Variants in ZBTB45 observed in about 807,000 individuals in gnomAD.
ZBTB45 encodes the protein zinc finger and BTB domain containing 45, also known as zinc finger and BTB domain-containing protein 45.
In ZBTB45, 22 loss-of-function variants were observed where a neutral mutation model predicts 28.4. The ratio of observed to expected loss-of-function variants is 0.77; its 90% CI spans 0.55 to 1.10. ZBTB45 has a LOEUF of 1.10. ZBTB45 is among the 50% of genes least tolerant of loss of function. The probability of loss-of-function intolerance (pLI) is 0.00; values close to 1 mark genes in which losing one functional copy is unlikely to be tolerated. For missense variants in ZBTB45, 656 were observed against 750.2 expected (o/e 0.87, Z 1.47); for synonymous variants, 361 against 332.3 (o/e 1.09, Z -0.94).
intron 1 of ZBTB45, among the ~76,000 whole-genome samples, chr19:58,527,741 A>G (rs963379836): frequency 2.0e-5 from 3 of 152,092 alleles, no homozygotes; most frequent in Admixed American, 6.6e-5. Context: ...GGAGGAATCA[A>G]CCTAGACTTG....
intron 1 of ZBTB45, among the ~76,000 whole-genome samples, chr19:58,528,819 G>A (rs986728395): frequency 3.4e-5 from 5 of 148,716 alleles, no homozygotes; most frequent in Non-Finnish European, 7.5e-5. Context: ...ACCTGAACTC[G>A]AGAGGCGGAG....
chr19:58,538,645 G>A (rs1043656829), intron 1 of ZBTB45: 3 of 152,264 alleles, frequency 2.0e-5, no homozygotes, highest in Non-Finnish European at 4.4e-5. Context: ...TGGGAGCGGG[G>A]CCCGGGGAGG....
Position 58,515,953 on chromosome 19 carries a change from G to T in ZBTB45, c.1279+442C>A, listed in dbSNP as rs1026798589. Among the ~76,000 whole-genome samples the T allele has an allele frequency of 2.0e-5, 3 of 152,112 alleles. No individual in the cohort carries two copies. The highest frequency in any genetic ancestry group is 7.2e-5 in the African/African-American group (3 of 41,422). On this transcript the variant is annotated intron_variant, in intron 2 of 2. Coordinates refer to ENST00000594051, the MANE Select transcript of ZBTB45 (RefSeq NM_001316979.2). This position sits in a 1 kb window ranked among gnomAD's most constrained non-coding sequence, Gnocchi z 4.7. ...GGCCTTCATCCCACCACCTCTGAGG[G>T]CTTTCTACCCCTGGGCCTGTAAACC...
In ZBTB45 at chr19:58,516,901, G is replaced by A; in HGVS notation, c.773C>T (p.Ala258Val). The A allele has an allele frequency of 1.9e-6, 3 of 1,613,364 alleles. No individual in the cohort carries two copies. Among genetic ancestry groups the A allele is most frequent in the Non-Finnish European group, 1.7e-6 (2 of 1,180,026 alleles). Reference protein sequence around the residue: ...AADSACEEPPAPTGLADYSGA... With the variant: ...AADSACEEPPVPTGLADYSGA... ...ACTGTAGTCAGCGAGGCCAGTGGGT[G>A]CAGGGGGCTCCTCGCACGCGCTGTC... The change falls in exon 2 of 3, where the codon GCA becomes GTA. Residue 258 changes from alanine (A) to valine (V), a missense_variant. By Grantham distance (64) the Ala-to-Val change is moderately conservative. Transcript: ENST00000594051. The surrounding 1 kb of genome is among the most constrained non-coding windows in gnomAD (Gnocchi z 6.2).
chr19:58,528,628 C>T (rs1246863840), intron 1 of ZBTB45, among the ~76,000 whole-genome samples: 4 of 152,180 alleles, frequency 2.6e-5, no homozygotes, highest in African/African-American at 7.2e-5. Flanking sequence ...GGCGCAGTGG[C>T]TCACGCCTGT....
At position 58,517,487 on chromosome 19, in the gene ZBTB45, G is replaced by T; in HGVS notation, c.187C>A (p.Leu63Met). 1 of 1,613,302 alleles carries T rather than the reference G, an allele frequency of 6.2e-7. No homozygotes were observed. Among genetic ancestry groups the T allele is most frequent in the Non-Finnish European group, 8.5e-7 (1 of 1,179,998 alleles). ...ACACGGATCTCAGAGTGGCCGAGCAGCAGCTTGTCTTGGAAGAAGGGTGAG... is the reference window on the plus strand; with the variant it reads ...ACACGGATCTCAGAGTGGCCGAGCATCAGCTTGTCTTGGAAGAAGGGTGAG... ...AGSPFFQDKL[L>M]LGHSEIRVPP... Residue 63 changes from leucine to methionine, a missense_variant, in exon 2 of 3, where the codon CTG becomes ATG. Coordinates refer to ENST00000594051, the MANE Select transcript of ZBTB45 (RefSeq NM_001316979.2).
chr19:58,514,032 G>T lies in ZBTB45; in HGVS notation c.*22C>A. The stretch of plus-strand genomic sequence containing the variant: ...GCGGGAGGCCCCGGATCCACCGTGG[G>T]CGAGGCCAGGCCCCAGCGCCATCAG... On this transcript the variant is annotated 3_prime_UTR_variant, in exon 3 of 3. Transcript: ENST00000594051. The T allele has an allele frequency of 2.2e-6, 3 of 1,389,080 alleles. No individual in the cohort carries two copies. The highest frequency in any genetic ancestry group is 2.8e-6 in the Non-Finnish European group (3 of 1,078,040). 86.0% of individuals were successfully genotyped at this position (1,389,080 alleles called of 1,614,324 possible). A position where few individuals can be genotyped will look rare whatever the true frequency, so the allele number is the denominator to read the frequency against.
chr19:58,537,377 G>A (rs1438075094), intron 1 of ZBTB45, among the ~76,000 whole-genome samples: 1 of 152,092 alleles, frequency 6.6e-6, no homozygotes, highest in Non-Finnish European at 1.5e-5. Flanking sequence ...AAGGAAAAGG[G>A]GTGCTCTTAC....
At position 58,516,599 on chromosome 19, in the gene ZBTB45, C is replaced by A; in HGVS notation, c.1075G>T (p.Ala359Ser). The change falls in exon 2 of 3, where the codon GCC becomes TCC. Residue 359 changes from alanine to serine, a missense_variant. Around this residue, in one of 3 missense-constraint regions of ZBTB45, gnomAD observed 448 missense variants for 444.3 expected, o/e 1.01. Transcript: ENST00000594051. This position sits in a 1 kb window ranked among gnomAD's most constrained non-coding sequence, Gnocchi z 6.2. The stretch of plus-strand genomic sequence containing the variant: ...TCGGGCTGGAGTGTGGGGTAGAAGG[C>A]GGGTGGGGGCGCAGGGGCTGGCCCC... ...PSGPAPAPPP[A>S]FYPTLQPEAA... 7.0e-7 allele frequency: 1 copy of A among 1,431,772 alleles called. No homozygotes were observed. The highest frequency in any genetic ancestry group is 2.0e-5 in the Admixed American group (1 of 49,382). The allele number at this position is 1,431,772 out of a possible 1,614,324, so 88.7% of individuals were successfully genotyped here.
At chr19:58,533,136 T>TA (rs2053643176) in intron 1 of ZBTB45, among the ~76,000 whole-genome samples, 1 of 152,154 alleles carries the variant, frequency 6.6e-6, no homozygotes, top group Admixed American at 6.5e-5. Flanking sequence ...ACGTCCGGCC[T>TA]AATTTTTATA....
rs768718808 is a variant in ZBTB45 at position 58,517,058 on chromosome 19, G to T, written c.616C>A (p.Arg206=). The T allele has an allele frequency of 2.5e-6, 4 of 1,613,214 alleles. No individual in the cohort carries two copies. Among genetic ancestry groups the T allele is most frequent in the Non-Finnish European group, 2.5e-6 (3 of 1,179,992 alleles). Residue 206 remains arginine (R), a synonymous_variant, in exon 2 of 3, where the codon CGA becomes AGA. Transcript: ENST00000594051. ...CTTTCCTCGTCATCCTCGTCACCTCGGTCATCAGGGGCCGCGGACAGTGAG... is the reference window on the plus strand; with the variant it reads ...CTTTCCTCGTCATCCTCGTCACCTCTGTCATCAGGGGCCGCGGACAGTGAG... The part of the protein sequence containing the change: ...DPSLSAAPDD[R]GDEDDEESDD...
At chr19:58,537,047 T>G (rs1370656283) in intron 1 of ZBTB45, among the ~76,000 whole-genome samples, 4 of 152,056 alleles carry the variant, frequency 2.6e-5, no homozygotes, top group Non-Finnish European at 5.9e-5. Flanking sequence ...TGCACTAGCG[T>G]CCTGCCATAT....
At chr19:58,529,107 T>G (rs771975410) in intron 1 of ZBTB45, among the ~76,000 whole-genome samples, 4 of 131,844 alleles carry the variant, frequency 3.0e-5, no homozygotes, top group African/African-American at 1.4e-4. Flanking sequence ...AAAAAGACAT[T>G]GATGAGCTCA....
At position 58,517,624 on chromosome 19, in the gene ZBTB45, C is replaced by A; in HGVS notation, c.50G>T (p.Arg17Leu). 1 of 1,613,870 alleles carries A rather than the reference C, an allele frequency of 6.2e-7. No individual in the cohort carries two copies. Among genetic ancestry groups the A allele is most frequent in the East Asian group, 2.2e-5 (1 of 44,882 alleles). Reference sequence around the variant, plus strand: ...CCCATTGAGGGTCTCAAGCAGAGAGCGTGAGAAGTTCTGCAGGTGTATGTG... The same window carrying A: ...CCCATTGAGGGTCTCAAGCAGAGAGAGTGAGAAGTTCTGCAGGTGTATGTG... ...VHHIHLQNFS[R>L]SLLETLNGQR... The change falls in exon 2 of 3, where the codon CGC becomes CTC. Residue 17 changes from arginine to leucine, a missense_variant. Physicochemically the swap from Arg to Leu is moderately radical, Grantham distance 102 (BLOSUM62 -2). Around this residue, in one of 3 missense-constraint regions of ZBTB45, gnomAD observed 105 missense variants for 152.4 expected, o/e 0.69. Coordinates refer to ENST00000594051, the MANE Select transcript of ZBTB45 (RefSeq NM_001316979.2).
At chr19:58,531,383 T>TG (rs1568651699) in intron 1 of ZBTB45, among the ~76,000 whole-genome samples, 1 of 152,182 alleles carries the variant, frequency 6.6e-6, no homozygotes, top group Non-Finnish European at 1.5e-5. Context: ...AACCCTAACG[T>TG]GGGGCACTGA....
chr19:58,517,484 G>A lies in ZBTB45; in HGVS notation c.190C>T (p.Leu64Phe). The A allele has an allele frequency of 6.2e-7, 1 of 1,613,248 alleles. No homozygotes were observed. Among genetic ancestry groups the A allele is most frequent in the Non-Finnish European group, 8.5e-7 (1 of 1,179,988 alleles). Residue 64 changes from leucine (L) to phenylalanine (F), a missense_variant, in exon 2 of 3, where the codon CTC becomes TTC. Transcript: ENST00000594051. Reference protein sequence around the residue: ...GSPFFQDKLLLGHSEIRVPPV... With the variant: ...GSPFFQDKLLFGHSEIRVPPV... The stretch of plus-strand genomic sequence containing the variant: ...GGCACACGGATCTCAGAGTGGCCGA[G>A]CAGCAGCTTGTCTTGGAAGAAGGGT...
At chr19:58,527,424 C>T (rs895306711) in intron 1 of ZBTB45, among the ~76,000 whole-genome samples, 4 of 152,304 alleles carry the variant, frequency 2.6e-5, no homozygotes, top group Middle Eastern at 3.4e-3. Context: ...ATTTCCTGAG[C>T]GTCCCCACCC....
At chr19:58,535,351 G>A (rs1380914137) in intron 1 of ZBTB45, among the ~76,000 whole-genome samples, 1 of 151,758 alleles carries the variant, frequency 6.6e-6, no homozygotes, top group South Asian at 2.1e-4. Context: ...TAATAGACAC[G>A]GGGCCAGGCA....
rs755229692 is a variant in ZBTB45, at chr19:58,516,741, G to T, written c.933C>A (p.Asp311Glu). The T allele has an allele frequency of 1.2e-5, 20 of 1,611,566 alleles. 1 individual carries two copies. The South Asian group carries it at 2.2e-4, about 18-fold the overall frequency. Reference sequence around the variant, plus strand: ...GCGGGCGGGATCCAGACAGTATGCAGTCGGGCTGGACAGGGGTCTCAGTGG... The same window carrying T: ...GCGGGCGGGATCCAGACAGTATGCATTCGGGCTGGACAGGGGTCTCAGTGG... Reference protein sequence around the residue: ...GCPTETPVQPDCILSGSRPPG... With the variant: ...GCPTETPVQPECILSGSRPPG... Residue 311 changes from aspartate to glutamate, a missense_variant, in exon 2 of 3, where the codon GAC (aspartate) becomes GAA (glutamate). This residue lies in a region of ZBTB45 where 448 missense variants were observed against 444.3 expected (regional missense o/e 1.01). Transcript: ENST00000594051. The surrounding 1 kb of genome is among the most constrained non-coding windows in gnomAD (Gnocchi z 6.2).
Sources: allele counts gnomAD v4.1 joint callset (sites outside exome capture counted in the v4.1 genomes callset), GRCh38; gene constraint gnomAD v4.1.1; regional missense constraint gnomAD v4.1.1; non-coding constraint Gnocchi (gnomAD v3.1); transcripts MANE v1.5; gene names NCBI Gene and HGNC (gene_info 2026-07-23, HGNC 2026-07-21).